The following CPA6 variants were observed in gnomAD, a reference collection of about 807,000 sequenced individuals.
CPA6 encodes the protein carboxypeptidase B.
In CPA6, 58 loss-of-function variants were observed where a neutral mutation model predicts 63.3. That is an observed-to-expected ratio of 0.92 (90% CI 0.74 to 1.14). The LOEUF is 1.14. Ranked by LOEUF, CPA6 falls within the 50% of genes most tolerant of loss-of-function variation. The pLI is 0.00. For missense variants in CPA6, 565 were observed against 526.6 expected (o/e 1.07, Z -0.71); for synonymous variants, 185 against 179.0 (o/e 1.03, Z -0.27).
intron 2 of CPA6, among the ~76,000 whole-genome samples, chr8:67,574,741 A>G (rs571279237): frequency 1.1e-4 from 16 of 152,226 alleles, no homozygotes; most frequent in Non-Finnish European, 1.8e-4. Context: ...ATTTAACTAA[A>G]AATGGATTAT....
chr8:67,660,817 A>G (rs1484803663), intron 1 of CPA6, among the ~76,000 whole-genome samples: 1 of 152,098 alleles, frequency 6.6e-6, no homozygotes, highest in Non-Finnish European at 1.5e-5. Flanking sequence ...GGACAGGTTT[A>G]TTTTGTTATA....
At chr8:67,526,924 C>T (rs1015611653) in intron 2 of CPA6, among the ~76,000 whole-genome samples, 4 of 152,096 alleles carry the variant, frequency 2.6e-5, no homozygotes, top group Non-Finnish European at 5.9e-5. Context: ...TAGCAGCCCC[C>T]CAAGAAACCT....
chr8:67,624,152 A>G (rs745345916), intron 2 of CPA6, 24 bp downstream of exon 2: 1 of 1,348,248 alleles, frequency 7.4e-7, no homozygotes, highest in Middle Eastern at 1.8e-4. Flanking sequence ...CAATTCTACC[A>G]TAAGTGTGTA....
intron 6 of CPA6, among the ~76,000 whole-genome samples, chr8:67,489,205 A>G (rs1346968710): frequency 6.6e-6 from 1 of 151,880 alleles, no homozygotes; most frequent in Non-Finnish European, 1.5e-5. Context: ...TTAGCTTCCT[A>G]AAATGCTGGG....
At chr8:67,447,105 CATAT>C (rs1219424568) in intron 8 of CPA6, among the ~76,000 whole-genome samples, 1 of 151,388 alleles carries the variant, frequency 6.6e-6, no homozygotes, top group Admixed American at 6.6e-5. Flanking sequence ...TATATATACA[CATAT>C]ATATACACAC....
intron 8 of CPA6, among the ~76,000 whole-genome samples, chr8:67,481,479 T>C (rs1214339448): frequency 6.6e-6 from 1 of 152,238 alleles, no homozygotes; most frequent in Non-Finnish European, 1.5e-5. Flanking sequence ...TGTACTTGCA[T>C]GCTGGACTAT....
intron 2 of CPA6, among the ~76,000 whole-genome samples, chr8:67,547,125 C>A (rs1271692697): frequency 1.3e-5 from 2 of 152,138 alleles, no homozygotes; most frequent in Non-Finnish European, 2.9e-5. Flanking sequence ...CGGCTCACTG[C>A]AAGCTCTGCC....
chr8:67,493,855 A>G (rs1811655465), intron 6 of CPA6, among the ~76,000 whole-genome samples: 1 of 152,006 alleles, frequency 6.6e-6, no homozygotes, highest in African/African-American at 2.4e-5. Flanking sequence ...TATATTATAC[A>G]TCTTCAATGT....
At chr8:67,562,684 A>T (rs933551961) in intron 2 of CPA6, among the ~76,000 whole-genome samples, 10 of 152,256 alleles carry the variant, frequency 6.6e-5, no homozygotes, top group African/African-American at 2.4e-4. Context: ...TGCTCTTGTA[A>T]AAGAGGCCCC....
At chr8:67,534,342 A>C (rs979263502) in intron 2 of CPA6, among the ~76,000 whole-genome samples, 3 of 152,146 alleles carry the variant, frequency 2.0e-5, no homozygotes, top group African/African-American at 7.2e-5. Flanking sequence ...GGGAGAGCTC[A>C]GAGAAGGGAT....
At chr8:67,698,892 G>C (rs1357134923) in intron 1 of CPA6, among the ~76,000 whole-genome samples, 1 of 152,102 alleles carries the variant, frequency 6.6e-6, no homozygotes, top group Admixed American at 6.5e-5. Flanking sequence ...GTTCCATCTT[G>C]TTTCCTGAAT....
intron 1 of CPA6, among the ~76,000 whole-genome samples, chr8:67,734,257 G>A (rs551779790): frequency 6.6e-6 from 1 of 151,478 alleles, no homozygotes; most frequent in Admixed American, 6.6e-5. Flanking sequence ...AGAGGGTACA[G>A]GTGTGTGTGT....
intron 1 of CPA6, among the ~76,000 whole-genome samples, chr8:67,638,652 C>A (rs954743120): frequency 6.6e-6 from 1 of 151,520 alleles, no homozygotes; most frequent in Non-Finnish European, 1.5e-5. Flanking sequence ...GAAGACCACT[C>A]CCCCAGGGGC....
intron 2 of CPA6, among the ~76,000 whole-genome samples, chr8:67,578,315 G>T (rs571719168): frequency 1.3e-5 from 2 of 152,318 alleles, no homozygotes; most frequent in African/African-American, 4.8e-5. Context: ...CAGCTGTTTG[G>T]TAGGCACCAT....
chr8:67,503,925 C>T (rs1368013582), intron 6 of CPA6, among the ~76,000 whole-genome samples: 1 of 151,902 alleles, frequency 6.6e-6, no homozygotes, highest in Non-Finnish European at 1.5e-5. Context: ...CCTGACAGGC[C>T]CCAGTGTGTG....
chr8:67,607,234 CTTCTTCTTCTTCTTCTT>C lies in CPA6; in HGVS notation c.192+16925_192+16941del, dbSNP rs61418447. Among the ~76,000 whole-genome samples, 207 of 117,660 alleles carry C rather than the reference CTTCTTCTTCTTCTTCTT, an allele frequency of 1.8e-3. 15 individuals carry two copies. Among genetic ancestry groups the C allele is most frequent in the Middle Eastern group, 9.2e-3 (2 of 218 alleles). The allele number at this position is 117,660 out of a possible 152,430, so 77.2% of individuals were successfully genotyped here. On this transcript the variant is annotated intron_variant, in intron 2 of 10. Coordinates refer to ENST00000297770, the MANE Select transcript of CPA6 (RefSeq NM_020361.5). ...TCTTCTTCTTCTTCTTCTTCTTCTTCTTCTTCTTCTTCTTCTTCTCCTCCTCCTCCTTTCTTCTTTCT... is the reference window on the plus strand; with the variant it reads ...TCTTCTTCTTCTTCTTCTTCTTCTTCCTCCTCCTCCTCCTTTCTTCTTTCT...
At chr8:67,593,190 C>T (rs555403433) in intron 2 of CPA6, among the ~76,000 whole-genome samples, 25 of 150,396 alleles carry the variant, frequency 1.7e-4, no homozygotes, top group Admixed American at 4.6e-4. Flanking sequence ...TGTAGTTGAG[C>T]GGTTTTGAGT....
At chr8:67,700,281 T>G (rs1313904821) in intron 1 of CPA6, among the ~76,000 whole-genome samples, 1 of 152,228 alleles carries the variant, frequency 6.6e-6, no homozygotes, top group Non-Finnish European at 1.5e-5. Context: ...ATAGCACACA[T>G]TCTTTCAGTT....
chr8:67,718,219 T>A (rs1817419511), intron 1 of CPA6, among the ~76,000 whole-genome samples: 2 of 152,158 alleles, frequency 1.3e-5, no homozygotes, highest in Non-Finnish European at 2.9e-5. Flanking sequence ...GACTCCTGGT[T>A]GTCACAATTA....
Sources: gnomAD v4.1 joint callset for allele counts (sites outside exome capture counted in the v4.1 genomes callset) on GRCh38, gnomAD v4.1.1 for gene constraint, MANE v1.5 for transcripts, NCBI Gene and HGNC (gene_info 2026-07-23, HGNC 2026-07-21) for gene names.